OSBPL6: variants seen among roughly 807,000 people sequenced by gnomAD.
OSBPL6 encodes the protein oxysterol-binding protein-related protein 6.
Under a neutral mutation model 125.8 loss-of-function variants are expected in OSBPL6, and 49 were observed. That is an observed-to-expected ratio of 0.39 (90% CI 0.31 to 0.49). OSBPL6 has a LOEUF of 0.49. Among genes scored for constraint, OSBPL6 ranks in the 20% least tolerant of loss-of-function variants. OSBPL6 has a pLI of 0.88. For synonymous variants in OSBPL6, 394 were observed against 391.8 expected, an observed-to-expected ratio of 1.01 and a Z score of -0.07; for missense variants, 986 against 1,135.4, an observed-to-expected ratio of 0.87 and a Z score of 1.89.
chr2:178,282,075 A>G (rs1043661312), intron 1 of OSBPL6, among the ~76,000 whole-genome samples: 4 of 152,224 alleles, frequency 2.6e-5, no homozygotes, highest in Non-Finnish European at 5.9e-5. Flanking sequence ...GCCTGACACA[A>G]ATAGAACTGA....
At chr2:178,270,151 G>A (rs2154024250) in intron 1 of OSBPL6, among the ~76,000 whole-genome samples, 1 of 152,256 alleles carries the variant, frequency 6.6e-6, no homozygotes, top group South Asian at 2.1e-4. Flanking sequence ...CTCAGGACAG[G>A]TCTGCACCAT....
intron 2 of OSBPL6, among the ~76,000 whole-genome samples, chr2:178,294,787 G>A (rs948041491): frequency 4.8e-5 from 7 of 146,690 alleles, no homozygotes; most frequent in South Asian, 4.3e-4. Flanking sequence ...TTTTGATTAC[G>A]TACAACATGT....
Position 178,352,623 on chromosome 2 carries a change from G to A in OSBPL6, c.1153+3234G>A, listed in dbSNP as rs571697804. The stretch of plus-strand genomic sequence containing the variant: ...GCAGAGCCCACTGCAGCTCAGTAAG[G>A]CCTATTGCCTCTATAGACTCCACCT... On this transcript the variant is annotated intron_variant, in intron 12 of 24. Coordinates refer to ENST00000190611, the MANE Select transcript of OSBPL6 (RefSeq NM_032523.4). Among the ~76,000 whole-genome samples the A allele has an allele frequency of 9.2e-4, 140 of 152,304 alleles. 1 individual carries two copies. Among genetic ancestry groups the A allele is most frequent in the African/African-American group, 3.3e-3 (139 of 41,568 alleles).
At chr2:178,261,986 A>T (rs187495798) in intron 1 of OSBPL6, among the ~76,000 whole-genome samples, 1 of 152,166 alleles carries the variant, frequency 6.6e-6, no homozygotes, top group Non-Finnish European at 1.5e-5. Flanking sequence ...GATTTCTCCT[A>T]CTGATCCTAA....
intron 1 of OSBPL6, among the ~76,000 whole-genome samples, chr2:178,207,103 A>G (rs1457281625): frequency 6.6e-6 from 1 of 152,136 alleles, no homozygotes; most frequent in South Asian, 2.1e-4. Context: ...GTCCCTGCCT[A>G]TAAAGGTGGT....
intron 9 of OSBPL6, 43 bp from the exon 10 acceptor site, chr2:178,338,948 C>T: frequency 1.4e-6 from 2 of 1,437,304 alleles, no homozygotes; most frequent in Non-Finnish European, 1.9e-6. Flanking sequence ...CCCACCGCTC[C>T]CTACCCAATT....
At chr2:178,317,547 A>G (rs1406665961) in intron 3 of OSBPL6, among the ~76,000 whole-genome samples, 1 of 148,702 alleles carries the variant, frequency 6.7e-6, no homozygotes, top group East Asian at 1.9e-4. Flanking sequence ...TATTTGCTGA[A>G]TGAAAGAACA....
At chr2:178,346,880 T>G (rs1690771010) in intron 11 of OSBPL6, among the ~76,000 whole-genome samples, 1 of 152,198 alleles carries the variant, frequency 6.6e-6, no homozygotes, top group South Asian at 2.1e-4. Context: ...CAAAAAAAAG[T>G]ATACCAATAT....
At chr2:178,237,469 C>T (rs1478012790) in intron 1 of OSBPL6, among the ~76,000 whole-genome samples, 2 of 152,198 alleles carry the variant, frequency 1.3e-5, no homozygotes, top group Non-Finnish European at 2.9e-5. Context: ...AAGGTCTCCT[C>T]TGTTGCCCAC....
intron 1 of OSBPL6, among the ~76,000 whole-genome samples, chr2:178,220,093 C>T (rs2090272674): frequency 6.6e-6 from 1 of 152,194 alleles, no homozygotes; most frequent in Admixed American, 6.5e-5. Flanking sequence ...TCCCCCATAG[C>T]TCAAATGTAA....
At chr2:178,292,476 C>T (rs562250882) in intron 2 of OSBPL6, among the ~76,000 whole-genome samples, 7 of 152,234 alleles carry the variant, frequency 4.6e-5, no homozygotes, top group South Asian at 2.1e-4. Flanking sequence ...AAAACACACA[C>T]GCTCCCCAAA....
rs138482202 is a variant in OSBPL6, at chr2:178,310,642, C to T, written c.102+4356C>T. Among the ~76,000 whole-genome samples, 2,293 of 152,120 alleles carry T rather than the reference C, an allele frequency of 0.015. 103 individuals are homozygous for T. The East Asian group carries it at 0.18, about 12-fold the overall frequency. On this transcript the variant is annotated intron_variant, in intron 3 of 24. Coordinates refer to ENST00000190611, the MANE Select transcript of OSBPL6 (RefSeq NM_032523.4). ...CCGTGTTAGCCAGGATGGTCTCGAT[C>T]TCCTGACCTCATGATCCGCCCACCT...
intron 1 of OSBPL6, among the ~76,000 whole-genome samples, chr2:178,234,398 TGA>T (rs369214860): frequency 3.3e-5 from 5 of 150,388 alleles, no homozygotes; most frequent in African/African-American, 2.4e-5. Flanking sequence ...TTGTTACCAG[TGA>T]GAGAGAGAGA....
chr2:178,282,754 C>T (rs1232282607), intron 1 of OSBPL6, among the ~76,000 whole-genome samples: 2 of 152,136 alleles, frequency 1.3e-5, no homozygotes, highest in African/African-American at 2.4e-5. Flanking sequence ...CGGTTTCAAG[C>T]GATTCTCCTG....
At chr2:178,383,774 T>A (rs1403298703) in intron 17 of OSBPL6, among the ~76,000 whole-genome samples, 1 of 152,194 alleles carries the variant, frequency 6.6e-6, no homozygotes, top group East Asian at 1.9e-4. Context: ...ACCTTTGAAC[T>A]CTGTGATACT....
intron 2 of OSBPL6, among the ~76,000 whole-genome samples, chr2:178,297,862 G>A (rs12473780): frequency 0.35 from 53,085 of 152,090 alleles, 10,325 homozygotes; most frequent in East Asian, 0.49. Flanking sequence ...AGTAAAATAT[G>A]TAGCATAAAA....
chr2:178,246,016 G>C (rs2091475897), intron 1 of OSBPL6, among the ~76,000 whole-genome samples: 1 of 152,094 alleles, frequency 6.6e-6, no homozygotes, highest in Admixed American at 6.5e-5. Context: ...AAGCTGACCT[G>C]GTAGCCTCCA....
intron 14 of OSBPL6, among the ~76,000 whole-genome samples, 195 bp downstream of exon 14, chr2:178,372,428 G>T (rs1244770910): frequency 6.6e-6 from 1 of 152,074 alleles, no homozygotes; most frequent in Admixed American, 6.6e-5. Flanking sequence ...CTGGTGATCA[G>T]TGTCTATTTT....
chr2:178,296,606 A>G (rs536635752), intron 2 of OSBPL6, among the ~76,000 whole-genome samples: 1 of 152,304 alleles, frequency 6.6e-6, no homozygotes, highest in South Asian at 2.1e-4. Context: ...CATGGCATAG[A>G]TACTCCCACC....
Sources: gnomAD v4.1 joint callset for allele counts (sites outside exome capture counted in the v4.1 genomes callset) on GRCh38, gnomAD v4.1.1 for gene constraint, MANE v1.5 for transcripts, NCBI Gene and HGNC (gene_info 2026-07-23, HGNC 2026-07-21) for gene names.